Variants in PCDHGA6 observed in about 807,000 individuals in gnomAD.
PCDHGA6 encodes the protein protocadherin gamma subfamily A, 6.
Under a neutral mutation model 60.6 loss-of-function variants are expected in PCDHGA6, and 41 were observed. The ratio of observed to expected loss-of-function variants is 0.68; its 90% CI spans 0.53 to 0.88. The LOEUF (loss-of-function observed/expected upper bound fraction) is 0.88. PCDHGA6 is among the 40% of genes least tolerant of loss of function. The probability of loss-of-function intolerance (pLI) is 0.00; values close to 1 mark genes in which losing one functional copy is unlikely to be tolerated. For synonymous variants in PCDHGA6, 594 were observed against 524.4 expected, an observed-to-expected ratio of 1.13 and a Z score of -1.81; for missense variants, 1,312 against 1,203.0, an observed-to-expected ratio of 1.09 and a Z score of -1.34.
chr5:141,451,322 T>C (rs1452969719), intron 1 of PCDHGA6, among the ~76,000 whole-genome samples: 1 of 152,236 alleles, frequency 6.6e-6, no homozygotes, highest in African/African-American at 2.4e-5. Flanking sequence ...AAGTGTCACC[T>C]AAGGCTATTG....
At position 141,395,016 on chromosome 5, in the gene PCDHGA6, G is replaced by C. The variant is rs772379480; in HGVS notation, c.2424+18509G>C. The C allele has an allele frequency of 4.3e-6, 7 of 1,613,950 alleles. No homozygotes were observed. In the Admixed American group the frequency reaches 5.0e-5, roughly 12 times the overall value. ...GGATTCCGGTGGCAGATTGGTAGGCGTGCCTGCCTCACATTTTGTGGGTGT... is the reference window on the plus strand; with the variant it reads ...GGATTCCGGTGGCAGATTGGTAGGCCTGCCTGCCTCACATTTTGTGGGTGT... On this transcript the variant is annotated intron_variant, in intron 1 of 3. Coordinates refer to ENST00000517434, the MANE Select transcript of PCDHGA6 (RefSeq NM_018919.3).
chr5:141,403,614 G>C (rs772617526), intron 1 of PCDHGA6: 1 of 1,613,860 alleles, frequency 6.2e-7, no homozygotes, highest in Admixed American at 1.7e-5. Context: ...GGCGAGCCGC[G>C]TCGCTCCAGC....
intron 1 of PCDHGA6, chr5:141,384,433 G>A (rs1351940709): frequency 6.2e-7 from 1 of 1,613,998 alleles, no homozygotes. Flanking sequence ...CTCTGACACT[G>A]GAGTCCTGTA....
chr5:141,495,384 C>A (rs2099760896), intron 2 of PCDHGA6, among the ~76,000 whole-genome samples: 1 of 152,190 alleles, frequency 6.6e-6, no homozygotes, highest in African/African-American at 2.4e-5. Flanking sequence ...AAGGACTGGG[C>A]GGGGCATGGA....
intron 3 of PCDHGA6, 149 bp downstream of exon 3, chr5:141,505,630 A>G (rs558394591): frequency 4.7e-5 from 69 of 1,480,262 alleles, no homozygotes; most frequent in Admixed American, 2.2e-5. Flanking sequence ...AATTCCAAAC[A>G]TAAAGCCTGG....
Position 141,485,166 on chromosome 5 carries a change from C to T in PCDHGA6, c.2425-9641C>T, listed in dbSNP as rs1180453938. 2 of 1,606,374 alleles carry T rather than the reference C, an allele frequency of 1.2e-6. No individual in the cohort carries two copies. Among genetic ancestry groups the T allele is most frequent in the Non-Finnish European group, 8.5e-7 (1 of 1,174,214 alleles). ...CAGGAGCAAGTAGAGAATTAGCGGG[C>T]GGCAGCAATGCTCCGCAAGGTGAGA... On this transcript the variant is annotated intron_variant, in intron 1 of 3. Transcript: ENST00000517434. The surrounding 1 kb of genome is among the most constrained non-coding windows in gnomAD (Gnocchi z 5.7).
chr5:141,465,520 G>C (rs2099104807), intron 1 of PCDHGA6, among the ~76,000 whole-genome samples: 1 of 152,144 alleles, frequency 6.6e-6, no homozygotes, highest in Non-Finnish European at 1.5e-5. Flanking sequence ...GAAGGATTCT[G>C]GGGAAGTTTT....
chr5:141,422,165 A>G (rs771382434), intron 1 of PCDHGA6: 3 of 1,569,306 alleles, frequency 1.9e-6, no homozygotes, highest in Admixed American at 4.0e-5. Flanking sequence ...TTTGAAAAAT[A>G]TAGATTCTAT....
At position 141,376,680 on chromosome 5, in the gene PCDHGA6, T is replaced by G. The variant is rs554753091; in HGVS notation, c.2424+173T>G. 2,414 of 666,784 alleles carry G rather than the reference T, an allele frequency of 3.6e-3. 9 individuals carry two copies. The highest frequency in any genetic ancestry group is 3.7e-3 in the Non-Finnish European group (1,658 of 442,514). 41.3% of individuals were successfully genotyped at this position (666,784 alleles called of 1,614,324 possible). A position where few individuals can be genotyped will look rare whatever the true frequency, so the allele number is the denominator to read the frequency against. ...CCTTGTTCAGGTGAGGGTATCGTTT[T>G]TTTTTTTTTTTTTTTTTGAGACGGA... On this transcript the variant is annotated intron_variant, in intron 1 of 3. Coordinates refer to ENST00000517434, the MANE Select transcript of PCDHGA6 (RefSeq NM_018919.3).
intron 1 of PCDHGA6, chr5:141,414,343 A>G: frequency 1.9e-6 from 3 of 1,613,882 alleles, no homozygotes; most frequent in Non-Finnish European, 2.5e-6. Flanking sequence ...AACCTGTTCC[A>G]TTTTGGCGTA....
chr5:141,384,218 T>C (rs1245580303), intron 1 of PCDHGA6: 2 of 1,613,904 alleles, frequency 1.2e-6, no homozygotes, highest in Non-Finnish European at 1.7e-6. Context: ...CACATATTCA[T>C]GCAGGTGGCA....
intron 1 of PCDHGA6, among the ~76,000 whole-genome samples, chr5:141,466,443 C>T (rs906096545): frequency 6.6e-6 from 1 of 152,186 alleles, no homozygotes; most frequent in African/African-American, 2.4e-5. Context: ...ACCGAGATGT[C>T]TATGGTGTTG....
rs533857281 is a variant in PCDHGA6 at position 141,429,742 on chromosome 5, T to C, written c.2424+53235T>C. Among the ~76,000 whole-genome samples the C allele has an allele frequency of 3.8e-4, 58 of 152,336 alleles. 1 individual carries two copies. Among genetic ancestry groups the C allele is most frequent in the Admixed American group, 2.0e-4 (3 of 15,302 alleles). Reference sequence around the variant, plus strand: ...ATGAAAGTACGTAGCCAGTTATTTCTTAGGGAGAATTTTTTCCCTATATTT... The same window carrying C: ...ATGAAAGTACGTAGCCAGTTATTTCCTAGGGAGAATTTTTTCCCTATATTT... On this transcript the variant is annotated intron_variant, in intron 1 of 3. Transcript: ENST00000517434.
intron 2 of PCDHGA6, among the ~76,000 whole-genome samples, chr5:141,500,421 G>A (rs1247202322): frequency 6.6e-6 from 1 of 151,852 alleles, no homozygotes; most frequent in Non-Finnish European, 1.5e-5. Flanking sequence ...GTGTTAGCCA[G>A]GATGGTCTCG....
rs189734474 is a variant in PCDHGA6, at chr5:141,512,858, G to T, written c.*1685G>T. 1 of 152,296 alleles carries T rather than the reference G, an allele frequency of 6.6e-6. No individual in the cohort carries two copies. The highest frequency in any genetic ancestry group is 1.9e-4 in the East Asian group (1 of 5,182). 9.4% of individuals were successfully genotyped at this position (152,296 alleles called of 1,614,324 possible). ...ACTTCTCCTATAAGCGCTTCTCTTC[G>T]CATAGTCACGTAGCTCCCACCCCAC... On this transcript the variant is annotated 3_prime_UTR_variant, in exon 4 of 4. Coordinates refer to ENST00000517434, the MANE Select transcript of PCDHGA6 (RefSeq NM_018919.3).
chr5:141,496,287 C>T (rs768553690), intron 2 of PCDHGA6, among the ~76,000 whole-genome samples: 3 of 152,200 alleles, frequency 2.0e-5, no homozygotes, highest in Non-Finnish European at 4.4e-5. Flanking sequence ...TTGGTCTGAG[C>T]AGAGTGGGAT....
chr5:141,408,839 A>T (rs1296339131), intron 1 of PCDHGA6: 24 of 1,613,642 alleles, frequency 1.5e-5, no homozygotes, highest in Non-Finnish European at 2.0e-5. Context: ...CTTGATATTG[A>T]CTGCCTTGGA....
intron 1 of PCDHGA6, among the ~76,000 whole-genome samples, chr5:141,459,014 T>G (rs1429233660): frequency 6.6e-6 from 1 of 152,240 alleles, no homozygotes; most frequent in Non-Finnish European, 1.5e-5. Flanking sequence ...ATTACAGGCA[T>G]GAGCCACCAC....
intron 1 of PCDHGA6, chr5:141,412,395 T>G (rs941350125): frequency 1.3e-5 from 2 of 152,246 alleles, no homozygotes; most frequent in African/African-American, 4.8e-5. Flanking sequence ...ATTTAACTTG[T>G]ATCCCTGTAA....
Sources: gnomAD v4.1 joint callset for allele counts (sites outside exome capture counted in the v4.1 genomes callset) on GRCh38, gnomAD v4.1.1 for gene constraint, Gnocchi (gnomAD v3.1) non-coding constraint, MANE v1.5 for transcripts, NCBI Gene and HGNC (gene_info 2026-07-23, HGNC 2026-07-21) for gene names.